PTPRR: variants seen among roughly 807,000 people sequenced by gnomAD.
PTPRR encodes the protein receptor-type tyrosine-protein phosphatase R.
In PTPRR, 38 loss-of-function variants were observed where a neutral mutation model predicts 77.2. The ratio of observed to expected loss-of-function variants is 0.49; its 90% CI spans 0.38 to 0.65. PTPRR has a LOEUF of 0.65. PTPRR is among the 30% of genes least tolerant of loss of function. The probability of loss-of-function intolerance (pLI) is 0.00; values close to 1 mark genes in which losing one functional copy is unlikely to be tolerated. For missense variants in PTPRR, 744 were observed against 799.2 expected (o/e 0.93, Z 0.83); for synonymous variants, 299 against 283.1 (o/e 1.06, Z -0.57).
chr12:70,813,372 G>T (rs570230903), intron 2 of PTPRR, among the ~76,000 whole-genome samples: 4 of 151,722 alleles, frequency 2.6e-5, no homozygotes, highest in Admixed American at 6.6e-5. Context: ...AAAATTCTGT[G>T]CATCTCAACG....
intron 2 of PTPRR, among the ~76,000 whole-genome samples, chr12:70,842,188 C>G (rs867869971): frequency 6.6e-6 from 1 of 152,118 alleles, no homozygotes; most frequent in Non-Finnish European, 1.5e-5. Flanking sequence ...TACCTTTTCC[C>G]TATAATTCTC....
intron 2 of PTPRR, among the ~76,000 whole-genome samples, chr12:70,832,020 T>C (rs954799337): frequency 2.0e-5 from 3 of 152,248 alleles, no homozygotes; most frequent in South Asian, 2.1e-4. Flanking sequence ...TAAATAGATA[T>C]AACTTTATCA....
chr12:70,698,379 T>C (rs759972337), intron 7 of PTPRR, 30 bp from the exon 8 acceptor site: 3 of 1,561,352 alleles, frequency 1.9e-6, no homozygotes, highest in East Asian at 4.5e-5. Context: ...CAAATTAGTG[T>C]ATCTAATACT....
At chr12:70,714,365 T>C (rs1888942113) in intron 6 of PTPRR, among the ~76,000 whole-genome samples, 1 of 152,168 alleles carries the variant, frequency 6.6e-6, no homozygotes, top group Non-Finnish European at 1.5e-5. Flanking sequence ...GCCTCCTGAT[T>C]TTCTGGCTCT....
At chr12:70,676,183 T>G (rs1475116078) in intron 10 of PTPRR, among the ~76,000 whole-genome samples, 1 of 151,960 alleles carries the variant, frequency 6.6e-6, no homozygotes, top group Admixed American at 6.6e-5. Flanking sequence ...CTCTTTTTTA[T>G]TTTTTTGTCA....
At chr12:70,664,889 A>G (rs767728027) in intron 10 of PTPRR, among the ~76,000 whole-genome samples, 12 of 152,372 alleles carry the variant, frequency 7.9e-5, no homozygotes, top group Non-Finnish European at 1.6e-4. Context: ...AAGAGACCAG[A>G]TAAGTGTGGG....
At chr12:70,793,671 T>C (rs1331022463) in intron 2 of PTPRR, among the ~76,000 whole-genome samples, 1 of 152,212 alleles carries the variant, frequency 6.6e-6, no homozygotes, top group East Asian at 1.9e-4. Flanking sequence ...TCCTGCTCAT[T>C]CTTCCATCAA....
intron 5 of PTPRR, among the ~76,000 whole-genome samples, chr12:70,752,426 T>C (rs1242851090): frequency 1.3e-5 from 2 of 152,182 alleles, no homozygotes; most frequent in East Asian, 3.9e-4. Flanking sequence ...TGGCCCCAAG[T>C]GGTTGAGGGT....
intron 1 of PTPRR, among the ~76,000 whole-genome samples, chr12:70,906,023 A>G (rs1272668071): frequency 6.6e-6 from 1 of 152,038 alleles, no homozygotes; most frequent in African/African-American, 2.4e-5. Context: ...AATGCCTCTC[A>G]GGAAAATTAA....
chr12:70,783,278 G>C (rs1891242976), intron 2 of PTPRR, among the ~76,000 whole-genome samples: 2 of 152,172 alleles, frequency 1.3e-5, no homozygotes, highest in Non-Finnish European at 2.9e-5. Context: ...TCTCAGCAGA[G>C]AGGAGGCTCT....
rs1454424176 is a variant in PTPRR at position 70,660,973 on chromosome 12, G to A, written c.1733C>T (p.Ser578Phe). 8 of 1,613,876 alleles carry A rather than the reference G, an allele frequency of 5.0e-6. No individual in the cohort carries two copies. Among genetic ancestry groups the A allele is most frequent in the Non-Finnish European group, 6.8e-6 (8 of 1,179,918 alleles). ...MLDVEEDRLASQGRGPVVVHC... is the reference protein window; with the variant it reads ...MLDVEEDRLAFQGRGPVVVHC... ...GACAACCACAGGCCCTCGGCCCTGG[G>A]AAGCAAGTCTGTCTTCTTCTACATC... Residue 578 changes from serine (S) to phenylalanine (F), a missense_variant, in exon 12 of 14, where the codon TCC becomes TTC. Physicochemically the swap from Ser to Phe is radical, Grantham distance 155. Around this residue, in one of 3 missense-constraint regions of PTPRR, gnomAD observed 170 missense variants for 209.8 expected, o/e 0.81. Coordinates refer to ENST00000283228, the MANE Select transcript of PTPRR (RefSeq NM_002849.4).
At chr12:70,674,015 C>T (rs1158086365) in intron 10 of PTPRR, among the ~76,000 whole-genome samples, 2 of 152,110 alleles carry the variant, frequency 1.3e-5, no homozygotes, top group African/African-American at 4.8e-5. Flanking sequence ...CTCACCACAA[C>T]CTCAATCTTC....
intron 10 of PTPRR, chr12:70,672,371 G>T: frequency 1.5e-6 from 2 of 1,333,296 alleles, no homozygotes; most frequent in Non-Finnish European, 2.2e-6. Flanking sequence ...CCTCCCATCA[G>T]AGAGCCAGGA....
At chr12:70,889,604 T>C (rs1893299265) in intron 2 of PTPRR, among the ~76,000 whole-genome samples, 2 of 152,080 alleles carry the variant, frequency 1.3e-5, no homozygotes, top group Admixed American at 1.3e-4. Context: ...AGACAAGAAA[T>C]TTTAGGATTC....
chr12:70,872,763 A>G (rs147315624), intron 2 of PTPRR, among the ~76,000 whole-genome samples: 1 of 150,506 alleles, frequency 6.6e-6, no homozygotes, highest in Non-Finnish European at 1.5e-5. Context: ...GGGCAAGGGT[A>G]AATGTGTGAC....
intron 2 of PTPRR, among the ~76,000 whole-genome samples, chr12:70,864,667 A>C (rs1048895593): frequency 6.6e-6 from 1 of 152,170 alleles, no homozygotes; most frequent in Non-Finnish European, 1.5e-5. Flanking sequence ...CTGTGTCCCC[A>C]CCAAAATCTC....
chr12:70,902,958 C>A (rs1312435117), intron 1 of PTPRR, among the ~76,000 whole-genome samples: 1 of 151,664 alleles, frequency 6.6e-6, no homozygotes, highest in Non-Finnish European at 1.5e-5. Flanking sequence ...AAATCCTAAC[C>A]TTTGTGGCAA....
At chr12:70,768,116 A>G (rs1167914217) in intron 2 of PTPRR, among the ~76,000 whole-genome samples, 1 of 152,144 alleles carries the variant, frequency 6.6e-6, no homozygotes, top group African/African-American at 2.4e-5. Context: ...TAGAAAAGCA[A>G]CAGCAAACAC....
At chr12:70,740,686 G>A (rs1259529823) in intron 6 of PTPRR, among the ~76,000 whole-genome samples, 1 of 152,006 alleles carries the variant, frequency 6.6e-6, no homozygotes, top group Non-Finnish European at 1.5e-5. Flanking sequence ...TGATATCAAA[G>A]TGATAGATTC....
Sources: gnomAD v4.1 joint callset for allele counts (sites outside exome capture counted in the v4.1 genomes callset) on GRCh38, gnomAD v4.1.1 for gene constraint, gnomAD v4.1.1 regional missense constraint, MANE v1.5 for transcripts, NCBI Gene and HGNC (gene_info 2026-07-23, HGNC 2026-07-21) for gene names.